The following PRR16 variants were observed in gnomAD, a reference collection of about 807,000 sequenced individuals.
PRR16 encodes protein Largen.
In PRR16, 6 loss-of-function variants were observed where a neutral mutation model predicts 18.2. The ratio of observed to expected loss-of-function variants is 0.33; its 90% CI spans 0.18 to 0.65. The LOEUF is 0.65. Among genes scored for constraint, PRR16 ranks in the 30% least tolerant of loss-of-function variants. The pLI, the probability that PRR16 is intolerant of heterozygous loss-of-function variation, is 0.74. For missense variants in PRR16, 412 were observed against 376.6 expected (o/e 1.09, Z -0.78); for synonymous variants, 151 against 147.8 (o/e 1.02, Z -0.16).
chr5:120,717,090 G>T, the PRR16 span, among the ~76,000 whole-genome samples: 1 of 151,010 alleles, frequency 6.6e-6, no homozygotes, highest in African/African-American at 2.4e-5. Context: ...CAAGTATTTT[G>T]ATGTTAAGTT....
intron 1 of PRR16, among the ~76,000 whole-genome samples, chr5:120,501,886 G>A (rs1561519782): frequency 6.9e-6 from 1 of 145,674 alleles, no homozygotes; most frequent in Non-Finnish European, 1.5e-5. Context: ...AACCTGGCAG[G>A]AGGAGCTTGC....
intron 1 of PRR16, among the ~76,000 whole-genome samples, chr5:120,517,359 T>A (rs1751031542): frequency 6.6e-6 from 1 of 152,140 alleles, no homozygotes; most frequent in African/African-American, 2.4e-5. Context: ...GAGTGATTCT[T>A]TATTTTCCTA....
the PRR16 span, among the ~76,000 whole-genome samples, chr5:120,699,262 G>A: frequency 2.0e-5 from 3 of 152,188 alleles, no homozygotes; most frequent in African/African-American, 7.2e-5. Context: ...GGTTCTAAGA[G>A]GCGGGCTAGT....
intron 1 of PRR16, among the ~76,000 whole-genome samples, chr5:120,676,731 GA>G (rs1283132165): frequency 6.6e-6 from 1 of 152,034 alleles, no homozygotes; most frequent in Non-Finnish European, 1.5e-5. Context: ...TCATCTCTAA[GA>G]AACAATAATA....
chr5:120,704,029 T>C, the PRR16 span, among the ~76,000 whole-genome samples: 1 of 152,208 alleles, frequency 6.6e-6, no homozygotes, highest in Admixed American at 6.5e-5. Flanking sequence ...AAATAGAATT[T>C]GGGGCTTTTG....
chr5:120,727,611 T>C, the PRR16 span, among the ~76,000 whole-genome samples: 1 of 152,142 alleles, frequency 6.6e-6, no homozygotes, highest in South Asian at 2.1e-4. Context: ...AATATTTGTC[T>C]TGAAGAATTA....
At chr5:120,706,117 C>A in the PRR16 span, among the ~76,000 whole-genome samples, 3 of 152,024 alleles carry the variant, frequency 2.0e-5, no homozygotes, top group African/African-American at 4.8e-5. Flanking sequence ...GAGAAAGAGA[C>A]CATTTTCATA....
At chr5:120,758,437 A>T in the PRR16 span, among the ~76,000 whole-genome samples, 1 of 152,278 alleles carries the variant, frequency 6.6e-6, no homozygotes, top group South Asian at 2.1e-4. Context: ...GTTGTAGAGC[A>T]TGAGAAAAAT....
intron 1 of PRR16, among the ~76,000 whole-genome samples, chr5:120,491,621 G>A (rs1561514188): frequency 6.6e-6 from 1 of 151,888 alleles, no homozygotes; most frequent in Non-Finnish European, 1.5e-5. Flanking sequence ...TTGGCTCACT[G>A]CAACCTCTGC....
chr5:120,554,497 A>T lies in PRR16; in HGVS notation c.159+89852A>T, dbSNP rs534723717. Among the ~76,000 whole-genome samples the T allele has an allele frequency of 8.5e-4, 129 of 152,036 alleles. 1 individual carries two copies. The highest frequency in any genetic ancestry group is 3.7e-3 in the Admixed American group (56 of 15,226). On this transcript the variant is annotated intron_variant, in intron 1 of 1. Coordinates refer to ENST00000407149, the MANE Select transcript of PRR16 (RefSeq NM_001300783.2). ...TGAGACAATGGAATAGTAATACAGG[A>T]ATTCAGGGATAGGAAGAAAAGGTAA...
At chr5:120,681,051 C>T (rs113976508) in intron 1 of PRR16, among the ~76,000 whole-genome samples, 1 of 152,110 alleles carries the variant, frequency 6.6e-6, no homozygotes, top group Non-Finnish European at 1.5e-5. Flanking sequence ...TATCTTATTT[C>T]TATAACTTTA....
the PRR16 span, among the ~76,000 whole-genome samples, chr5:120,792,649 A>G: frequency 6.6e-6 from 1 of 152,148 alleles, no homozygotes; most frequent in Non-Finnish European, 1.5e-5. Flanking sequence ...CCCTATTCAC[A>G]TAATTATTAT....
chr5:120,645,704 G>T (rs1279178951), intron 1 of PRR16, among the ~76,000 whole-genome samples: 1 of 151,948 alleles, frequency 6.6e-6, no homozygotes, highest in East Asian at 1.9e-4. Context: ...TAAGTCAAAA[G>T]CCCAATTATT....
the PRR16 span, among the ~76,000 whole-genome samples, chr5:120,788,714 G>A: frequency 6.6e-6 from 1 of 152,038 alleles, no homozygotes; most frequent in African/African-American, 2.4e-5. Context: ...CATGATGAAA[G>A]ATTGTTTTTT....
At position 120,464,400 on chromosome 5, in the gene PRR16, C is replaced by T; in HGVS notation, c.-87C>T. 7.1e-7 allele frequency: 1 copy of T among 1,414,880 alleles called. No individual in the cohort carries two copies. The highest frequency in any genetic ancestry group is 9.4e-7 in the Non-Finnish European group (1 of 1,068,046). 87.6% of individuals were successfully genotyped at this position (1,414,880 alleles called of 1,614,324 possible). A position where few individuals can be genotyped will look rare whatever the true frequency, so the allele number is the denominator to read the frequency against. The stretch of plus-strand genomic sequence containing the variant: ...CCAAGATGTGGGGGGACCGGGGCGG[C>T]AGCGGCCGTAGCAGCGCCAGGGACG... On this transcript the variant is annotated 5_prime_UTR_variant, in exon 1 of 2. Coordinates refer to ENST00000407149, the MANE Select transcript of PRR16 (RefSeq NM_001300783.2).
chr5:120,493,380 T>C (rs373587790), intron 1 of PRR16, among the ~76,000 whole-genome samples: 21 of 152,204 alleles, frequency 1.4e-4, no homozygotes, highest in East Asian at 7.7e-4. Flanking sequence ...GATTGTGTTA[T>C]AGACTACAGC....
At chr5:120,695,803 C>A in the PRR16 span, among the ~76,000 whole-genome samples, 1 of 152,112 alleles carries the variant, frequency 6.6e-6, no homozygotes, top group African/African-American at 2.4e-5. Context: ...CCTTGCTGCA[C>A]CTTTTCCTGG....
At chr5:120,702,353 G>A in the PRR16 span, among the ~76,000 whole-genome samples, 1 of 151,904 alleles carries the variant, frequency 6.6e-6, no homozygotes, top group African/African-American at 2.4e-5. Context: ...GAGATACGAG[G>A]TTGGGGTACT....
At chr5:120,672,601 C>G (rs896342464) in intron 1 of PRR16, among the ~76,000 whole-genome samples, 1 of 151,446 alleles carries the variant, frequency 6.6e-6, no homozygotes, top group Non-Finnish European at 1.5e-5. Flanking sequence ...TCTTCTGTAA[C>G]TGCAAGGCAA....
Sources: gnomAD v4.1 joint callset for allele counts (sites outside exome capture counted in the v4.1 genomes callset) on GRCh38, gnomAD v4.1.1 for gene constraint, MANE v1.5 for transcripts, NCBI Gene and HGNC (gene_info 2026-07-23, HGNC 2026-07-21) for gene names.